GPR107: variants seen among roughly 807,000 people sequenced by gnomAD.
The protein encoded by GPR107 is protein GPR107.
Under a neutral mutation model 75.5 loss-of-function variants are expected in GPR107, and 31 were observed. The ratio of observed to expected loss-of-function variants is 0.41; its 90% CI spans 0.31 to 0.55. GPR107 has a LOEUF of 0.55. Ranked by LOEUF, GPR107 falls within the 20% of genes least tolerant of loss-of-function variation. GPR107 has a pLI of 0.26. For missense variants in GPR107, 572 were observed against 665.7 expected (o/e 0.86, Z 1.55); for synonymous variants, 267 against 251.3 (o/e 1.06, Z -0.59).
At chr9:130,077,128 C>T (rs1204371436) in intron 3 of GPR107, among the ~76,000 whole-genome samples, 171 bp from the exon 4 acceptor site, 2 of 152,130 alleles carry the variant, frequency 1.3e-5, no homozygotes, top group African/African-American at 2.4e-5. Context: ...CCTCACGATC[C>T]ACCCACCTCG....
At chr9:130,100,764 C>T in intron 11 of GPR107, 62 bp downstream of exon 11, 1 of 1,200,440 alleles carries the variant, frequency 8.3e-7, no homozygotes, top group Non-Finnish European at 1.2e-6. Context: ...GGGGGGTGGG[C>T]AACAACCTGC....
intron 9 of GPR107, among the ~76,000 whole-genome samples, chr9:130,094,860 T>C (rs1286480102): frequency 6.6e-6 from 1 of 152,144 alleles, no homozygotes; most frequent in Non-Finnish European, 1.5e-5. Flanking sequence ...TTTGCATTTT[T>C]AGTAGAGACT....
chr9:130,104,710 A>G (rs1457434891), intron 13 of GPR107, among the ~76,000 whole-genome samples, 160 bp downstream of exon 13: 1 of 152,216 alleles, frequency 6.6e-6, no homozygotes, highest in Non-Finnish European at 1.5e-5. Flanking sequence ...CAGGGGCAGA[A>G]CCCTGTGTCT....
At chr9:130,066,834 A>T (rs1830081512) in intron 1 of GPR107, among the ~76,000 whole-genome samples, 1 of 152,082 alleles carries the variant, frequency 6.6e-6, no homozygotes, top group Non-Finnish European at 1.5e-5. Flanking sequence ...AAATACAAAA[A>T]AATTAGCCGG....
At chr9:130,057,546 T>C (rs936335515) in intron 1 of GPR107, among the ~76,000 whole-genome samples, 8 of 151,162 alleles carry the variant, frequency 5.3e-5, no homozygotes, top group African/African-American at 1.9e-4. Flanking sequence ...CTTTTTATTG[T>C]GGAGAATTTC....
intron 1 of GPR107, among the ~76,000 whole-genome samples, chr9:130,065,502 A>C (rs1830047028): frequency 6.6e-6 from 1 of 152,118 alleles, no homozygotes; most frequent in East Asian, 1.9e-4. Flanking sequence ...GCGGTGGCTC[A>C]TGCCTGTAAT....
intron 9 of GPR107, 95 bp from the exon 10 acceptor site, chr9:130,099,362 C>G: frequency 1.4e-6 from 1 of 725,548 alleles, no homozygotes; most frequent in Non-Finnish European, 2.4e-6. Flanking sequence ...GATTATATTT[C>G]CTGTCTCCTT....
At chr9:130,072,364 C>T (rs145435873) in intron 1 of GPR107, among the ~76,000 whole-genome samples, 12,581 of 151,924 alleles carry the variant, frequency 0.083, 1,194 homozygotes, top group East Asian at 0.45. Flanking sequence ...GGACTACAGG[C>T]GCGTGCCACC....
intron 17 of GPR107, among the ~76,000 whole-genome samples, chr9:130,134,232 C>T (rs1002409308): frequency 8.5e-5 from 13 of 152,208 alleles, no homozygotes; most frequent in African/African-American, 2.9e-4. Context: ...TAGACCAGCT[C>T]ACCTTCTGTG....
At chr9:130,120,654 T>C (rs1564682830) in intron 14 of GPR107, among the ~76,000 whole-genome samples, 1 of 152,222 alleles carries the variant, frequency 6.6e-6, no homozygotes, top group African/African-American at 2.4e-5. Flanking sequence ...TCTGCATCGA[T>C]GGACATCTCA....
chr9:130,098,671 T>G (rs1020838814), intron 9 of GPR107, among the ~76,000 whole-genome samples: 1 of 152,114 alleles, frequency 6.6e-6, no homozygotes, highest in African/African-American at 2.4e-5. Flanking sequence ...AGAGATTACT[T>G]TAGGACTCCA....
At chr9:130,094,695 T>C (rs1034993789) in intron 9 of GPR107, among the ~76,000 whole-genome samples, 1 of 152,098 alleles carries the variant, frequency 6.6e-6, no homozygotes, top group Non-Finnish European at 1.5e-5. Context: ...TTTTTTGTTT[T>C]TTTGAGACAC....
intron 1 of GPR107, among the ~76,000 whole-genome samples, chr9:130,055,421 G>A (rs1170561977): frequency 6.6e-6 from 1 of 151,714 alleles, no homozygotes; most frequent in African/African-American, 2.4e-5. Flanking sequence ...CCAGCTACTC[G>A]GGAGACTGAG....
intron 14 of GPR107, among the ~76,000 whole-genome samples, chr9:130,123,627 C>G (rs1022897350): frequency 6.0e-5 from 9 of 150,204 alleles, no homozygotes; most frequent in Admixed American, 2.7e-4. Flanking sequence ...CCTCAGCCCC[C>G]CAAGTAGGCA....
At chr9:130,087,776 A>T (rs1280870645) in intron 7 of GPR107, among the ~76,000 whole-genome samples, 2 of 138,598 alleles carry the variant, frequency 1.4e-5, no homozygotes, top group Admixed American at 7.9e-5. Flanking sequence ...ACTGCACTGC[A>T]GCCTGGGTGA....
intron 1 of GPR107, among the ~76,000 whole-genome samples, chr9:130,058,094 G>C (rs535852693): frequency 6.6e-6 from 1 of 151,918 alleles, no homozygotes; most frequent in African/African-American, 2.4e-5. Context: ...CTCCCAAAGT[G>C]CTGGGATTAC....
chr9:130,086,627 C>G (rs749329004), intron 7 of GPR107, 151 bp downstream of exon 7: 1 of 625,446 alleles, frequency 1.6e-6, no homozygotes, highest in Non-Finnish European at 2.9e-6. Context: ...TTATAACAAG[C>G]CCACAAGGTG....
At chr9:130,056,189 C>T (rs1249543206) in intron 1 of GPR107, among the ~76,000 whole-genome samples, 2 of 152,036 alleles carry the variant, frequency 1.3e-5, no homozygotes, top group African/African-American at 2.4e-5. Context: ...CGGTGGCTCA[C>T]GCCTGTAATC....
intron 5 of GPR107, among the ~76,000 whole-genome samples, 166 bp downstream of exon 5, chr9:130,079,935 G>A (rs1009271014): frequency 6.6e-6 from 1 of 152,194 alleles, no homozygotes; most frequent in African/African-American, 2.4e-5. Flanking sequence ...TGGAAAATCT[G>A]AAGCAGATGG....
Sources: allele counts gnomAD v4.1 joint callset (sites outside exome capture counted in the v4.1 genomes callset), GRCh38; gene constraint gnomAD v4.1.1; transcripts MANE v1.5; gene names NCBI Gene and HGNC (gene_info 2026-07-23, HGNC 2026-07-21).